Variants in GIGYF2 observed in about 807,000 individuals in gnomAD.
GIGYF2 encodes the protein GRB10-interacting GYF protein 2.
GIGYF2 carries 25 observed loss-of-function variants against 208.1 expected under a neutral mutation model. That is an observed-to-expected ratio of 0.12 (90% CI 0.09 to 0.17). The LOEUF is 0.17. Among genes scored for constraint, GIGYF2 ranks in the 10% least tolerant of loss-of-function variants. The pLI is 1.00. For synonymous variants in GIGYF2, 534 were observed against 543.8 expected, an observed-to-expected ratio of 0.98 and a Z score of 0.25; for missense variants, 1,302 against 1,579.4, an observed-to-expected ratio of 0.82 and a Z score of 2.98.
rs1222554582 is a variant in GIGYF2, at chr2:232,833,555, TGAGA to T, written c.2766+466_2766+469del. Among the ~76,000 whole-genome samples, 6 of 152,332 alleles carry T rather than the reference TGAGA, an allele frequency of 3.9e-5. No individual in the cohort carries two copies. The South Asian group carries it at 8.3e-4, about 21-fold the overall frequency. Reference sequence around the variant, plus strand: ...ACATACTTTGTATTAGGCATTTAAATGAGAGAGGAGTAAACAAGAGGATAGGACA... The same window carrying T: ...ACATACTTTGTATTAGGCATTTAAATGAGGAGTAAACAAGAGGATAGGACA... On this transcript the variant is annotated intron_variant, in intron 22 of 28. Transcript: ENST00000373563.
intron 4 of GIGYF2, among the ~76,000 whole-genome samples, chr2:232,748,562 G>A (rs933406042): frequency 6.6e-6 from 1 of 152,230 alleles, no homozygotes; most frequent in Non-Finnish European, 1.5e-5. Flanking sequence ...TGGGATTACA[G>A]GCGTGAGCCA....
intron 1 of GIGYF2, among the ~76,000 whole-genome samples, chr2:232,698,021 CTA>C (rs964284397): frequency 1.3e-5 from 2 of 152,002 alleles, no homozygotes; most frequent in Admixed American, 1.3e-4. Flanking sequence ...GGCTGGGAAA[CTA>C]GAGCCCATGG....
intron 4 of GIGYF2, among the ~76,000 whole-genome samples, chr2:232,748,199 A>AATGTATTTTAC (rs2106312593): frequency 6.6e-6 from 1 of 152,358 alleles, no homozygotes; most frequent in Admixed American, 6.5e-5. Flanking sequence ...ACTTAGATCA[A>AATGTATTTTAC]AACTGAAACA....
chr2:232,784,557 A>T (rs1699845631), intron 8 of GIGYF2, among the ~76,000 whole-genome samples: 1 of 148,802 alleles, frequency 6.7e-6, no homozygotes, highest in Non-Finnish European at 1.5e-5. Flanking sequence ...CGCCCGGCTA[A>T]TTTTTTCTAT....
chr2:232,757,430 T>A (rs1374201210), intron 6 of GIGYF2, among the ~76,000 whole-genome samples: 3 of 152,022 alleles, frequency 2.0e-5, no homozygotes, highest in Non-Finnish European at 2.9e-5. Flanking sequence ...GCAACAAAAT[T>A]TTGGGTGGTG....
At chr2:232,770,708 G>T (rs991451819) in intron 8 of GIGYF2, among the ~76,000 whole-genome samples, 9 of 148,296 alleles carry the variant, frequency 6.1e-5, no homozygotes, top group Admixed American at 2.7e-4. Context: ...ATTGAGACAG[G>T]TTCCTTATGC....
chr2:232,853,275 C>CT (rs1229098014), intron 28 of GIGYF2, among the ~76,000 whole-genome samples: 1 of 152,156 alleles, frequency 6.6e-6, no homozygotes, highest in African/African-American at 2.4e-5. Context: ...GAGAATTTTG[C>CT]TTCTAAAACA....
chr2:232,853,226 A>G (rs1333840429), intron 28 of GIGYF2, among the ~76,000 whole-genome samples: 1 of 152,260 alleles, frequency 6.6e-6, no homozygotes, highest in Non-Finnish European at 1.5e-5. Context: ...AAATGGGAAA[A>G]TGGGAAGTCT....
Position 232,817,154 on chromosome 2 carries a change from C to T in GIGYF2, c.2370+122C>T, listed in dbSNP as rs949975234. On this transcript the variant is annotated intron_variant, in intron 20 of 28. Coordinates refer to ENST00000373563, the MANE Select transcript of GIGYF2 (RefSeq NM_001103146.3). Reference sequence around the variant, plus strand: ...GGATTGGGGTTAGAACCTTAGAAGACTCACTCACCTTTGGAAAGAATCTCT... The same window carrying T: ...GGATTGGGGTTAGAACCTTAGAAGATTCACTCACCTTTGGAAAGAATCTCT... The T allele has an allele frequency of 1.3e-5, 10 of 799,522 alleles. No homozygotes were observed. The Admixed American group carries it at 1.8e-4, about 14-fold the overall frequency. The allele number at this position is 799,522 out of a possible 1,614,324, so 49.5% of individuals were successfully genotyped here.
At chr2:232,803,759 C>T (rs1700470087) in intron 14 of GIGYF2, among the ~76,000 whole-genome samples, 1 of 16,168 alleles carries the variant, frequency 6.2e-5, no homozygotes, top group Non-Finnish European at 1.0e-4. Context: ...GCAATCTCGG[C>T]TCACTGCAAG....
intron 9 of GIGYF2, among the ~76,000 whole-genome samples, chr2:232,787,533 A>G (rs1053912979): frequency 1.3e-5 from 2 of 152,088 alleles, no homozygotes; most frequent in African/African-American, 2.4e-5. Context: ...TCACTTTTCT[A>G]TTTTTCTGGG....
chr2:232,722,061 C>T (rs1016753825), intron 2 of GIGYF2, among the ~76,000 whole-genome samples: 13 of 152,146 alleles, frequency 8.5e-5, no homozygotes, highest in Admixed American at 6.6e-5. Context: ...TTCCCTTTAC[C>T]GTGCTGACAA....
At chr2:232,846,791 CAG>C (rs1296231902) in intron 26 of GIGYF2, among the ~76,000 whole-genome samples, 1 of 152,158 alleles carries the variant, frequency 6.6e-6, no homozygotes, top group African/African-American at 2.4e-5. Flanking sequence ...AATTAGGAAA[CAG>C]AGGCTCAGAA....
intron 8 of GIGYF2, among the ~76,000 whole-genome samples, chr2:232,771,851 A>G (rs1398640448): frequency 6.6e-6 from 1 of 152,196 alleles, no homozygotes; most frequent in Non-Finnish European, 1.5e-5. Flanking sequence ...AGTCATTTGG[A>G]AGCTTATTAT....
chr2:232,699,655 C>T (rs1695755370), intron 1 of GIGYF2, among the ~76,000 whole-genome samples: 1 of 152,182 alleles, frequency 6.6e-6, no homozygotes, highest in Non-Finnish European at 1.5e-5. Context: ...GAAGGAGGCT[C>T]TTTGGAGATT....
intron 3 of GIGYF2, among the ~76,000 whole-genome samples, chr2:232,746,429 A>G (rs1311704258): frequency 1.3e-5 from 2 of 151,974 alleles, no homozygotes; most frequent in South Asian, 2.1e-4. Context: ...CAATGCTTCT[A>G]TTGAATTTTT....
At position 232,791,464 on chromosome 2, in the gene GIGYF2, T is replaced by A; in HGVS notation, c.1282+18T>A. The stretch of plus-strand genomic sequence containing the variant: ...AGGGGATGGTATGTATTTGTGGGAA[T>A]AGACAAGCTAAAATAGGATTCTGCT... On this transcript the variant is annotated intron_variant, in intron 12 of 28. Coordinates refer to ENST00000373563, the MANE Select transcript of GIGYF2 (RefSeq NM_001103146.3). The A allele has an allele frequency of 6.2e-7, 1 of 1,605,716 alleles. No homozygotes were observed. Among genetic ancestry groups the A allele is most frequent in the Non-Finnish European group, 8.5e-7 (1 of 1,174,166 alleles).
At chr2:232,710,693 T>TTTTC (rs1696351930) in intron 2 of GIGYF2, among the ~76,000 whole-genome samples, 1 of 54,648 alleles carries the variant, frequency 1.8e-5, no homozygotes. Context: ...CTTGGTGTTC[T>TTTTC]TTTTTTTTTT....
At chr2:232,767,215 T>A (rs952684250) in intron 8 of GIGYF2, 1 of 152,244 alleles carries the variant, frequency 6.6e-6, no homozygotes, top group Non-Finnish European at 1.5e-5. Context: ...TTGAAAATGC[T>A]TTGTTGCCTA....
Sources: allele counts gnomAD v4.1 joint callset (sites outside exome capture counted in the v4.1 genomes callset), GRCh38; gene constraint gnomAD v4.1.1; transcripts MANE v1.5; gene names NCBI Gene and HGNC (gene_info 2026-07-23, HGNC 2026-07-21).